RARB: variants seen among roughly 807,000 people sequenced by gnomAD.
RARB encodes retinoic acid receptor beta, also known as HBV-activated protein.
Under a neutral mutation model 51.9 loss-of-function variants are expected in RARB, and 17 were observed. That is an observed-to-expected ratio of 0.33 (90% CI 0.22 to 0.49). RARB has a LOEUF of 0.49. Among genes scored for constraint, RARB ranks in the 20% least tolerant of loss-of-function variants. The pLI, the probability that RARB is intolerant of heterozygous loss-of-function variation, is 0.99. For missense variants in RARB, 369 were observed against 550.8 expected (o/e 0.67, Z 3.30); for synonymous variants, 215 against 195.4 (o/e 1.10, Z -0.84).
intron 2 of RARB, among the ~76,000 whole-genome samples, chr3:24,929,324 A>G (rs983813817): frequency 6.6e-6 from 1 of 152,072 alleles, no homozygotes; most frequent in African/African-American, 2.4e-5. Flanking sequence ...GCGTTTGCAC[A>G]TTACACTAGC....
At chr3:25,147,931 C>T (rs1424732276) in intron 4 of RARB, among the ~76,000 whole-genome samples, 2 of 152,180 alleles carry the variant, frequency 1.3e-5, no homozygotes, top group African/African-American at 4.8e-5. Context: ...AATTGTGAGG[C>T]AAAAAGCCAA....
intron 2 of RARB, among the ~76,000 whole-genome samples, chr3:24,987,300 G>C (rs772240607): frequency 2.0e-5 from 3 of 151,854 alleles, no homozygotes; most frequent in Non-Finnish European, 2.9e-5. Context: ...TCAAGGTAAA[G>C]ACACAATTAA....
chr3:24,910,837 C>A (rs1694975901), intron 2 of RARB, among the ~76,000 whole-genome samples: 1 of 152,154 alleles, frequency 6.6e-6, no homozygotes, highest in African/African-American at 2.4e-5. Flanking sequence ...ATTACACTGG[C>A]TACAACTCAG....
chr3:25,214,585 T>A (rs1384913386), intron 5 of RARB, among the ~76,000 whole-genome samples: 4 of 152,226 alleles, frequency 2.6e-5, no homozygotes, highest in African/African-American at 9.6e-5. Flanking sequence ...GAAATTTTCC[T>A]ACTGTAAGAA....
chr3:25,546,339 G>A (rs900955585), intron 3 of RARB, among the ~76,000 whole-genome samples: 4 of 152,200 alleles, frequency 2.6e-5, no homozygotes, highest in Admixed American at 6.5e-5. Context: ...TGTCTGCTCC[G>A]TCGAGCACAG....
At chr3:25,163,573 C>G (rs1341339705) in intron 4 of RARB, among the ~76,000 whole-genome samples, 1 of 147,390 alleles carries the variant, frequency 6.8e-6, no homozygotes, top group Non-Finnish European at 1.5e-5. Flanking sequence ...TATGTAATAT[C>G]ATAATTCTAA....
chr3:25,150,569 A>G (rs73050322), intron 4 of RARB, among the ~76,000 whole-genome samples: 12,865 of 152,232 alleles, frequency 0.085, 713 homozygotes, highest in Non-Finnish European at 0.13. Context: ...ACAAGAAAGA[A>G]AATTTCTCCT....
intron 2 of RARB, among the ~76,000 whole-genome samples, chr3:24,989,302 G>A (rs1696862258): frequency 6.6e-6 from 1 of 152,188 alleles, no homozygotes; most frequent in Non-Finnish European, 1.5e-5. Flanking sequence ...AATTGTCATA[G>A]CTATATCAGG....
At chr3:25,121,940 C>T (rs1699791071) in intron 3 of RARB, among the ~76,000 whole-genome samples, 1 of 152,102 alleles carries the variant, frequency 6.6e-6, no homozygotes, top group African/African-American at 2.4e-5. Context: ...CCTTGTATAT[C>T]TTAGTTCAGC....
chr3:25,596,611 C>A lies in RARB; in HGVS notation c.1342C>A (p.Gln448Lys). Residue 448 changes from glutamine to lysine, a missense_variant, in exon 8 of 8, where the codon CAA becomes AAA. Around this residue, in one of 9 missense-constraint regions of RARB, gnomAD observed 54 missense variants for 43.4 expected, o/e 1.24. Transcript: ENST00000330688. The stretch of plus-strand genomic sequence containing the variant: ...TGGGGTCAGTCAGTCACCACTCGTG[C>A]AATAAGACATTTTCTAGCTACTTCA... Reference protein sequence around the residue: ...NSGVSQSPLVQ With the variant: ...NSGVSQSPLVK 1 of 1,585,220 alleles carries A rather than the reference C, an allele frequency of 6.3e-7. No homozygotes were observed. Among genetic ancestry groups the A allele is most frequent in the African/African-American group, 1.3e-5 (1 of 74,536 alleles).
chr3:24,864,708 A>G (rs912457312), intron 2 of RARB, among the ~76,000 whole-genome samples: 3 of 99,932 alleles, frequency 3.0e-5, no homozygotes, highest in African/African-American at 1.4e-4. Context: ...GGCCACAGCT[A>G]TTATTTTTTA....
chr3:25,329,142 A>G (rs1704815727), intron 5 of RARB, among the ~76,000 whole-genome samples: 1 of 152,214 alleles, frequency 6.6e-6, no homozygotes. Context: ...CTGCAGACTT[A>G]AACGTCCCTG....
At chr3:25,328,616 C>A (rs1476753116) in intron 5 of RARB, among the ~76,000 whole-genome samples, 1 of 152,196 alleles carries the variant, frequency 6.6e-6, no homozygotes, top group African/African-American at 2.4e-5. Flanking sequence ...ATGAGCGACA[C>A]AGAAGACAGG....
At chr3:24,832,628 A>ATATATATATATATAT (rs1559366440) in intron 1 of RARB, among the ~76,000 whole-genome samples, 1,071 of 88,356 alleles carry the variant, frequency 0.012, 30 homozygotes, top group African/African-American at 0.041. Flanking sequence ...ATTGAGTCCC[A>ATATATATATATATAT]ATATATATAT....
At chr3:25,219,645 C>T (rs568169234) in intron 5 of RARB, among the ~76,000 whole-genome samples, 1 of 152,258 alleles carries the variant, frequency 6.6e-6, no homozygotes, top group East Asian at 1.9e-4. Flanking sequence ...CAAGCCCAAA[C>T]CCCGTCTTAT....
chr3:25,195,246 A>T (rs1043690286), intron 5 of RARB, among the ~76,000 whole-genome samples: 2 of 151,978 alleles, frequency 1.3e-5, no homozygotes, highest in Admixed American at 6.6e-5. Flanking sequence ...GAGCCTACCA[A>T]TTCCTCATCA....
chr3:25,201,617 T>C (rs1208704077), intron 5 of RARB, among the ~76,000 whole-genome samples: 2 of 152,184 alleles, frequency 1.3e-5, no homozygotes. Context: ...CAATACCTAA[T>C]TTATTGAGAG....
At chr3:25,145,856 A>C (rs1700180443) in intron 4 of RARB, among the ~76,000 whole-genome samples, 1 of 151,406 alleles carries the variant, frequency 6.6e-6, no homozygotes, top group Non-Finnish European at 1.5e-5. Flanking sequence ...AAAAATATTA[A>C]CCAGGCATGG....
intron 7 of RARB, among the ~76,000 whole-genome samples, chr3:25,595,657 G>A (rs1701790662): frequency 6.6e-6 from 1 of 152,194 alleles, no homozygotes; most frequent in Non-Finnish European, 1.5e-5. Context: ...CAGTTCAGTA[G>A]CCACCAGACA....
Sources: allele counts gnomAD v4.1 joint callset (sites outside exome capture counted in the v4.1 genomes callset), GRCh38; gene constraint gnomAD v4.1.1; regional missense constraint gnomAD v4.1.1; transcripts MANE v1.5; gene names NCBI Gene and HGNC (gene_info 2026-07-23, HGNC 2026-07-21).